Variants in TUSC3 observed in about 807,000 individuals in gnomAD.
The protein encoded by TUSC3 is dolichyl-diphosphooligosaccharide--protein glycosyltransferase subunit TUSC3.
Under a neutral mutation model 44.8 loss-of-function variants are expected in TUSC3, and 45 were observed. The ratio of observed to expected loss-of-function variants is 1.00; its 90% confidence interval spans 0.79 to 1.29. The LOEUF (loss-of-function observed/expected upper bound fraction) is 1.29. TUSC3 is among the 50% of genes most tolerant of loss of function. TUSC3 has a pLI of 0.00. For missense variants in TUSC3, 519 were observed against 437.9 expected (o/e 1.19, Z -1.65); for synonymous variants, 212 against 152.9 (o/e 1.39, Z -2.85).
At position 15,681,357 on chromosome 8, in the gene TUSC3, A is replaced by G. The variant is rs148329926; in HGVS notation, c.798+7521A>G. Among the ~76,000 whole-genome samples the G allele has an allele frequency of 5.6e-3, 853 of 151,752 alleles. 4 individuals carry two copies. Among genetic ancestry groups the G allele is most frequent in the African/African-American group, 0.018 (747 of 41,432 alleles). On this transcript the variant is annotated intron_variant, in intron 6 of 10. Transcript: ENST00000503731. Reference sequence around the variant, plus strand: ...TACTGATTCAATTTCAGAAGTCAGTATTTGTCTGTTCAGGGTTTCAGTTTC... The same window carrying G: ...TACTGATTCAATTTCAGAAGTCAGTGTTTGTCTGTTCAGGGTTTCAGTTTC...
intron 6 of TUSC3, among the ~76,000 whole-genome samples, chr8:15,674,943 T>C (rs6994908): frequency 0.32 from 48,609 of 151,826 alleles, 7,945 homozygotes; most frequent in Middle Eastern, 0.36. Context: ...CCCAACAAGA[T>C]CCTTCCTGAC....
chr8:15,582,057 C>G lies in TUSC3; in HGVS notation c.139-41023C>G, dbSNP rs565910350. ...TCTGAAAAGCGCAATATTCGGGTGG[C>G]AGTGACCCGATTTTCCAGGTGCGTC... On this transcript the variant is annotated intron_variant, in intron 1 of 10. Transcript: ENST00000503731. 9.2e-5 allele frequency among the ~76,000 whole-genome samples: 14 copies of G among 152,166 alleles called. No homozygotes were observed. In the South Asian group the frequency reaches 1.0e-3, roughly 11 times the overall value.
At chr8:15,609,625 T>G (rs1295388401) in intron 1 of TUSC3, among the ~76,000 whole-genome samples, 1 of 152,174 alleles carries the variant, frequency 6.6e-6, no homozygotes, top group Non-Finnish European at 1.5e-5. Flanking sequence ...CTGATTAAAA[T>G]GACTTCATAT....
In TUSC3 at chr8:15,623,202, T is replaced by A. The variant is rs1805330677; in HGVS notation, c.261T>A (p.Ile87=). ...IKAPPRNYSM[I]VMFTALQPQR... Reference sequence around the variant, plus strand: ...CACCACCTCGAAACTATTCCATGATTGTTATGTTCACTGCTCTTCAGCCTC... The same window carrying A: ...CACCACCTCGAAACTATTCCATGATAGTTATGTTCACTGCTCTTCAGCCTC... The change falls in exon 2 of 11, where the codon ATT becomes ATA. Residue 87 remains isoleucine, a synonymous_variant. Coordinates refer to ENST00000503731, the MANE Select transcript of TUSC3 (RefSeq NM_006765.4). 1.2e-6 allele frequency: 2 copies of A among 1,612,932 alleles called. No homozygotes were observed. Among genetic ancestry groups the A allele is most frequent in the Non-Finnish European group, 1.7e-6 (2 of 1,179,450 alleles).
chr8:15,707,077 C>G (rs1458631547), intron 6 of TUSC3, among the ~76,000 whole-genome samples: 1 of 151,886 alleles, frequency 6.6e-6, no homozygotes, highest in African/African-American at 2.4e-5. Context: ...TGTCTCAAAG[C>G]TTTATCACCA....
chr8:15,705,708 G>A (rs1809587804), intron 6 of TUSC3, among the ~76,000 whole-genome samples: 2 of 151,992 alleles, frequency 1.3e-5, no homozygotes, highest in Non-Finnish European at 2.9e-5. Flanking sequence ...AATATTTAGT[G>A]GTCTTTGTGC....
At chr8:15,546,465 A>G (rs1056722894) in intron 1 of TUSC3, among the ~76,000 whole-genome samples, 1 of 151,716 alleles carries the variant, frequency 6.6e-6, no homozygotes, top group African/African-American at 2.4e-5. Context: ...TTTTTTTTAC[A>G]TAGATAAGTA....
intron 5 of TUSC3, among the ~76,000 whole-genome samples, chr8:15,664,367 T>C (rs1171196194): frequency 6.6e-6 from 1 of 151,380 alleles, no homozygotes; most frequent in Admixed American, 6.6e-5. Context: ...AGAAGAACTT[T>C]ATATGATGTA....
intron 2 of TUSC3, among the ~76,000 whole-genome samples, chr8:15,517,248 T>A (rs896324820): frequency 6.6e-6 from 1 of 152,070 alleles, no homozygotes; most frequent in Non-Finnish European, 1.5e-5. Flanking sequence ...GAACAAATAA[T>A]TGATTTGTGT....
intron 1 of TUSC3, among the ~76,000 whole-genome samples, chr8:15,458,185 T>C (rs1028364584): frequency 1.3e-5 from 2 of 152,162 alleles, no homozygotes; most frequent in Admixed American, 6.6e-5. Context: ...TAAGAAAATG[T>C]AGGTTAAAGG....
chr8:15,541,630 C>G (rs750238723), intron 1 of TUSC3, among the ~76,000 whole-genome samples: 3 of 152,092 alleles, frequency 2.0e-5, no homozygotes, highest in Non-Finnish European at 4.4e-5. Context: ...ATGTACCTCT[C>G]TTCAGCTTTT....
chr8:15,735,885 TTTTTTGG>T (rs1810914583), intron 7 of TUSC3, among the ~76,000 whole-genome samples: 1 of 37,226 alleles, frequency 2.7e-5, no homozygotes, highest in Non-Finnish European at 7.1e-5. Context: ...TTTTTTTTGT[TTTTTTGG>T]TTTTTTTTTG....
At chr8:15,692,838 G>A (rs1808978532) in intron 6 of TUSC3, among the ~76,000 whole-genome samples, 1 of 152,024 alleles carries the variant, frequency 6.6e-6, no homozygotes, top group Non-Finnish European at 1.5e-5. Flanking sequence ...AAGAACATGT[G>A]TTCCTCTATT....
chr8:15,649,550 C>T lies in TUSC3; in HGVS notation c.309-1147C>T, dbSNP rs544336287. On this transcript the variant is annotated intron_variant, in intron 2 of 10. Coordinates refer to ENST00000503731, the MANE Select transcript of TUSC3 (RefSeq NM_006765.4). ...AGTGAGCCGAGATCGCGCCACTGCA[C>T]TCCAGCCTGGGCGACAGAGCAAGAC... is the stretch of plus-strand genomic sequence containing the variant. Among the ~76,000 whole-genome samples the T allele has an allele frequency of 2.0e-5, 3 of 150,756 alleles. No homozygotes were observed. The South Asian group carries it at 6.3e-4, about 32-fold the overall frequency.
chr8:15,806,693 T>C, the TUSC3 span: 1 of 929,078 alleles, frequency 1.1e-6, no homozygotes, highest in East Asian at 2.4e-5. Flanking sequence ...GATACATTTG[T>C]AATCAAAATC....
At chr8:15,417,395 T>C (rs1055180016) in intron 1 of TUSC3, 1 of 152,216 alleles carries the variant, frequency 6.6e-6, no homozygotes, top group East Asian at 1.9e-4. Flanking sequence ...ACAGAGAATA[T>C]CTAGGCAAAG....
chr8:15,467,780 T>C (rs184121065), intron 1 of TUSC3, among the ~76,000 whole-genome samples: 167 of 152,334 alleles, frequency 1.1e-3, no homozygotes, highest in African/African-American at 3.8e-3. Context: ...TCTGTCTTTC[T>C]TTTTATTTAT....
At chr8:15,437,595 C>T (rs1799965377) in intron 1 of TUSC3, among the ~76,000 whole-genome samples, 1 of 152,182 alleles carries the variant, frequency 6.6e-6, no homozygotes, top group South Asian at 2.1e-4. Context: ...TACATTAAGA[C>T]AATCATCTCC....
At chr8:15,801,483 A>T in the TUSC3 span, among the ~76,000 whole-genome samples, 1 of 151,942 alleles carries the variant, frequency 6.6e-6, no homozygotes, top group African/African-American at 2.4e-5. Flanking sequence ...ATTTTTGTTA[A>T]AACTTTTTAA....
Sources: gnomAD v4.1 joint callset for allele counts (sites outside exome capture counted in the v4.1 genomes callset) on GRCh38, gnomAD v4.1.1 for gene constraint, MANE v1.5 for transcripts, NCBI Gene and HGNC (gene_info 2026-07-23, HGNC 2026-07-21) for gene names.